Variants in CLIC5 observed in about 807,000 individuals in gnomAD.
CLIC5 encodes the protein CLIC family member 5, also known as chloride intracellular channel protein 5.
Under a neutral mutation model 24.7 loss-of-function variants are expected in CLIC5, and 20 were observed. The ratio of observed to expected loss-of-function variants is 0.81; its 90% CI spans 0.57 to 1.18. The LOEUF (loss-of-function observed/expected upper bound fraction) is 1.18. CLIC5 is among the 50% of genes most tolerant of loss of function. The pLI is 0.00. For synonymous variants in CLIC5, 159 were observed against 135.6 expected, an observed-to-expected ratio of 1.17 and a Z score of -1.20; for missense variants, 341 against 326.1, an observed-to-expected ratio of 1.05 and a Z score of -0.35.
At chr6:46,081,883 A>G (rs191473533), upstream of CLIC5, among the ~76,000 whole-genome samples, 12 of 152,222 alleles carry the variant, frequency 7.9e-5, no homozygotes, top group East Asian at 2.1e-3. Flanking sequence ...GTATTTTCCA[A>G]TCTTTTTTTC....
At position 45,901,690 on chromosome 6, in the gene CLIC5, CAGGCTGGGTA is replaced by C. The variant is rs1266511787; in HGVS notation, c.*1388_*1397del. 8 of 152,438 alleles carry C rather than the reference CAGGCTGGGTA, an allele frequency of 5.2e-5. No individual in the cohort carries two copies. Among genetic ancestry groups the C allele is most frequent in the African/African-American group, 1.9e-4 (8 of 41,410 alleles). 9.4% of individuals were successfully genotyped at this position (152,438 alleles called of 1,614,324 possible). A position where few individuals can be genotyped will look rare whatever the true frequency, so the allele number is the denominator to read the frequency against. ...TTTCCTCTGCACAGGTCCCCAAGCTCAGGCTGGGTAAGCTTTTTAGGAGATGAAACTTAAG... is the reference window on the plus strand; with the variant it reads ...TTTCCTCTGCACAGGTCCCCAAGCTCAGCTTTTTAGGAGATGAAACTTAAG... On this transcript the variant is annotated 3_prime_UTR_variant, in exon 6 of 6. Coordinates refer to ENST00000339561, the MANE Select transcript of CLIC5 (RefSeq NM_016929.5).
At chr6:45,987,609 G>A (rs1032269026) in intron 1 of CLIC5, among the ~76,000 whole-genome samples, 1 of 152,160 alleles carries the variant, frequency 6.6e-6, no homozygotes, top group African/African-American at 2.4e-5. Context: ...ATTTTTCACA[G>A]TTCTGGAAGC....
chr6:45,985,541 G>C (rs1290373257), intron 1 of CLIC5, among the ~76,000 whole-genome samples: 1 of 152,028 alleles, frequency 6.6e-6, no homozygotes, highest in Non-Finnish European at 1.5e-5. Flanking sequence ...ATGCTTCTGT[G>C]TCCCTCCAGA....
rs1765087689 is a variant in CLIC5 at position 45,968,434 on chromosome 6, G to T, written c.64-13190C>A. Among the ~76,000 whole-genome samples, 3 of 152,166 alleles carry T rather than the reference G, an allele frequency of 2.0e-5. No homozygotes were observed. The East Asian group carries it at 5.8e-4, about 29-fold the overall frequency. ...AAGAACTGGGAAAGAAGGAAGAAGG[G>T]CAACAATAGCTTCCTGGGGGTCCTG... On this transcript the variant is annotated intron_variant, in intron 1 of 5. Coordinates refer to ENST00000339561, the MANE Select transcript of CLIC5 (RefSeq NM_016929.5).
At chr6:45,972,130 G>A (rs1261704872) in intron 1 of CLIC5, among the ~76,000 whole-genome samples, 3 of 152,106 alleles carry the variant, frequency 2.0e-5, no homozygotes, top group Admixed American at 6.5e-5. Context: ...GTAGAGTATG[G>A]GTATCAAGGA....
In CLIC5 at chr6:45,900,075, T is replaced by G. The variant is rs753372562; in HGVS notation, c.*3013A>C. The G allele has an allele frequency of 7.9e-5, 12 of 152,176 alleles. No individual in the cohort carries two copies. Among genetic ancestry groups the G allele is most frequent in the Non-Finnish European group, 1.6e-4 (11 of 68,042 alleles). The allele number at this position is 152,176 out of a possible 1,614,324, so 9.4% of individuals were successfully genotyped here. ...TACTTATCCAGCTTACTTTTTACAG[T>G]TATTAAAATCTTACTCAATACCTTC... is the stretch of plus-strand genomic sequence containing the variant. On this transcript the variant is annotated 3_prime_UTR_variant, in exon 6 of 6. Transcript: ENST00000339561.
intron 4 of CLIC5, among the ~76,000 whole-genome samples, chr6:45,916,400 C>T (rs1763033749): frequency 6.6e-6 from 1 of 152,136 alleles, no homozygotes; most frequent in South Asian, 2.1e-4. Flanking sequence ...TGCTTTTCTC[C>T]CTGAAGCACT....
At chr6:46,114,693 C>G in the CLIC5 span, among the ~76,000 whole-genome samples, 1 of 152,264 alleles carries the variant, frequency 6.6e-6, no homozygotes, top group South Asian at 2.1e-4. Flanking sequence ...TTCTTCAACC[C>G]TTCAGAATTA....
intron 1 of CLIC5, among the ~76,000 whole-genome samples, chr6:46,030,356 C>T (rs1767463297): frequency 6.6e-6 from 1 of 152,144 alleles, no homozygotes; most frequent in Admixed American, 6.5e-5. Context: ...TCTCTCTACC[C>T]TTCATCCTCA....
rs150658139 is a variant in CLIC5, at chr6:46,063,018, G to A, written c.540+16685C>T. On this transcript the variant is annotated intron_variant, in intron 1 of 5. Transcript: ENST00000185206. ...CTGCCTTTTGCAAAGTCTTTATTTT[G>A]TATCTTTATCTTAAAGTGGAAGATA... is the stretch of plus-strand genomic sequence containing the variant. Among the ~76,000 whole-genome samples the A allele has an allele frequency of 1.6e-4, 25 of 152,132 alleles. No individual in the cohort carries two copies. The East Asian group carries it at 4.8e-3, about 29-fold the overall frequency.
At chr6:46,089,500 A>G in the CLIC5 span, among the ~76,000 whole-genome samples, 15 of 152,284 alleles carry the variant, frequency 9.9e-5, no homozygotes, top group Non-Finnish European at 2.1e-4. Context: ...AATGTTAACT[A>G]TCACTGTGAT....
chr6:45,988,105 G>T (rs1765804758), intron 1 of CLIC5, among the ~76,000 whole-genome samples: 1 of 152,118 alleles, frequency 6.6e-6, no homozygotes, highest in African/African-American at 2.4e-5. Flanking sequence ...TCAACCTGAG[G>T]CAAAATTCCT....
At chr6:45,916,410 T>C (rs904543077) in intron 4 of CLIC5, among the ~76,000 whole-genome samples, 1 of 152,188 alleles carries the variant, frequency 6.6e-6, no homozygotes, top group Admixed American at 6.5e-5. Context: ...CCTGAAGCAC[T>C]TGTGATTTAT....
the CLIC5 span, among the ~76,000 whole-genome samples, chr6:46,099,183 G>A: frequency 6.6e-6 from 1 of 152,328 alleles, no homozygotes; most frequent in East Asian, 1.9e-4. Context: ...AATCCTAAGT[G>A]TACAGGCACT....
chr6:45,918,443 A>G (rs1417056138), intron 4 of CLIC5, among the ~76,000 whole-genome samples: 1 of 152,220 alleles, frequency 6.6e-6, no homozygotes, highest in African/African-American at 2.4e-5. Flanking sequence ...TTTGCTGGCA[A>G]ACTCAGTGCA....
chr6:45,952,186 A>G (rs968807232), intron 2 of CLIC5, among the ~76,000 whole-genome samples: 1 of 152,304 alleles, frequency 6.6e-6, no homozygotes, highest in East Asian at 1.9e-4. Flanking sequence ...CACTGGAGTC[A>G]GACGCCCTTG....
At chr6:45,947,565 A>G (rs1764328855) in intron 3 of CLIC5, among the ~76,000 whole-genome samples, 1 of 152,152 alleles carries the variant, frequency 6.6e-6, no homozygotes, top group South Asian at 2.1e-4. Flanking sequence ...TCATGACGGA[A>G]GCCCCCACTC....
At chr6:46,085,700 C>A in the CLIC5 span, among the ~76,000 whole-genome samples, 1 of 152,118 alleles carries the variant, frequency 6.6e-6, no homozygotes, top group African/African-American at 2.4e-5. Context: ...GGGTGCCTCC[C>A]AGTTAGGCTG....
At chr6:45,995,348 C>G (rs1298798856) in intron 1 of CLIC5, among the ~76,000 whole-genome samples, 6 of 152,170 alleles carry the variant, frequency 3.9e-5, no homozygotes, top group Non-Finnish European at 7.3e-5. Context: ...TATTCTTTTC[C>G]CTTGAAGGAG....
Sources: allele counts gnomAD v4.1 joint callset (sites outside exome capture counted in the v4.1 genomes callset), GRCh38; gene constraint gnomAD v4.1.1; transcripts MANE v1.5; gene names NCBI Gene and HGNC (gene_info 2026-07-23, HGNC 2026-07-21).